LRRIQ1: variants seen among roughly 807,000 people sequenced by gnomAD.
LRRIQ1 encodes leucine rich repeats and IQ motif containing 1.
In LRRIQ1, 210 loss-of-function variants were observed where a neutral mutation model predicts 211.9. The observed-to-expected ratio is 0.99, with a 90% CI of 0.89 to 1.11. LRRIQ1 has a LOEUF of 1.11. Among genes scored for constraint, LRRIQ1 ranks in the 50% most tolerant of loss-of-function variants. The probability of loss-of-function intolerance (pLI) is 0.00; values close to 1 mark genes in which losing one functional copy is unlikely to be tolerated. For synonymous variants in LRRIQ1, 699 were observed against 650.1 expected (o/e 1.08, Z -1.14); for missense variants, 2,136 against 1,939.5 (o/e 1.10, Z -1.90).
At chr12:85,233,758 A>G (rs1895057154) in intron 26 of LRRIQ1, among the ~76,000 whole-genome samples, 2 of 152,188 alleles carry the variant, frequency 1.3e-5, no homozygotes, top group South Asian at 4.1e-4. Context: ...ATCTTCTTGC[A>G]TTTTAATAGA....
chr12:85,057,478 T>C (rs980017474), intron 8 of LRRIQ1, among the ~76,000 whole-genome samples: 7 of 151,988 alleles, frequency 4.6e-5, no homozygotes, highest in African/African-American at 1.7e-4. Flanking sequence ...TGGAAGCATA[T>C]AGAAAGTTAG....
intron 2 of LRRIQ1, among the ~76,000 whole-genome samples, chr12:85,039,476 C>G (rs1209670214): frequency 6.6e-6 from 1 of 151,584 alleles, no homozygotes; most frequent in Non-Finnish European, 1.5e-5. Flanking sequence ...ATTTTTGTCA[C>G]TATTTTTAAT....
At chr12:85,103,751 G>T (rs543123958) in intron 13 of LRRIQ1, among the ~76,000 whole-genome samples, 102 of 151,664 alleles carry the variant, frequency 6.7e-4, no homozygotes, top group Admixed American at 1.1e-3. Flanking sequence ...AGTAATTTCA[G>T]GATTTCTTTT....
intron 24 of LRRIQ1, among the ~76,000 whole-genome samples, chr12:85,181,755 G>A (rs955294122): frequency 5.3e-5 from 8 of 151,920 alleles, no homozygotes; most frequent in South Asian, 4.2e-4. Flanking sequence ...ATCTCATTGT[G>A]AGGAATCTGC....
intron 8 of LRRIQ1, among the ~76,000 whole-genome samples, chr12:85,058,532 A>G (rs957580185): frequency 1.3e-5 from 2 of 151,982 alleles, no homozygotes; most frequent in African/African-American, 4.8e-5. Context: ...AGTTACAGAA[A>G]CAGTAGTGTT....
At chr12:85,140,576 GTTAT>G (rs1889470610) in intron 19 of LRRIQ1, among the ~76,000 whole-genome samples, 1 of 151,144 alleles carries the variant, frequency 6.6e-6, no homozygotes, top group South Asian at 2.1e-4. Flanking sequence ...TCTTATACCT[GTTAT>G]TTATTTTTCT....
intron 10 of LRRIQ1, among the ~76,000 whole-genome samples, chr12:85,072,609 C>T (rs1883209508): frequency 6.7e-6 from 1 of 149,888 alleles, no homozygotes; most frequent in Non-Finnish European, 1.5e-5. Flanking sequence ...TTATAAATGT[C>T]TTATCTTTTT....
chr12:85,118,147 C>A (rs1300367876), intron 15 of LRRIQ1, among the ~76,000 whole-genome samples: 2 of 152,098 alleles, frequency 1.3e-5, no homozygotes, highest in African/African-American at 2.4e-5. Flanking sequence ...TGAACCATGT[C>A]TTAAAATTAA....
chr12:85,164,351 C>T (rs779951816), intron 24 of LRRIQ1, among the ~76,000 whole-genome samples: 1 of 152,044 alleles, frequency 6.6e-6, no homozygotes, highest in Non-Finnish European at 1.5e-5. Context: ...GCTCTGTGAC[C>T]TTTGGGAAGT....
At chr12:85,272,169 C>A in the LRRIQ1 span, among the ~76,000 whole-genome samples, 1 of 152,122 alleles carries the variant, frequency 6.6e-6, no homozygotes, top group South Asian at 2.1e-4. Flanking sequence ...ACATATAGAT[C>A]TACTTTATTT....
intron 16 of LRRIQ1, 120 bp from the exon 17 acceptor site, chr12:85,123,950 A>G (rs1370060388): frequency 1.5e-6 from 1 of 655,800 alleles, no homozygotes; most frequent in African/African-American, 1.8e-5. Context: ...TCTATAATGA[A>G]TGTTGTACTG....
At chr12:85,198,082 T>TACA in intron 24 of LRRIQ1, among the ~76,000 whole-genome samples, 1 of 109,228 alleles carries the variant, frequency 9.2e-6, no homozygotes, top group African/African-American at 3.7e-5. Context: ...TTATATATAA[T>TACA]TTATTATATT....
At chr12:85,138,414 A>G (rs1889287769) in intron 19 of LRRIQ1, among the ~76,000 whole-genome samples, 1 of 151,534 alleles carries the variant, frequency 6.6e-6, no homozygotes, top group Admixed American at 6.6e-5. Flanking sequence ...TAATACTTTT[A>G]AAGACTACTG....
At chr12:85,070,945 A>C (rs1883016842) in intron 10 of LRRIQ1, among the ~76,000 whole-genome samples, 1 of 151,974 alleles carries the variant, frequency 6.6e-6, no homozygotes, top group Non-Finnish European at 1.5e-5. Context: ...GATATGATTA[A>C]AATAGTATGT....
At chr12:85,219,093 A>G (rs981336449) in intron 24 of LRRIQ1, among the ~76,000 whole-genome samples, 1 of 152,088 alleles carries the variant, frequency 6.6e-6, no homozygotes, top group Non-Finnish European at 1.5e-5. Context: ...GCACACATGG[A>G]GACACATTAC....
intron 19 of LRRIQ1, among the ~76,000 whole-genome samples, chr12:85,148,712 G>A (rs1890047190): frequency 6.6e-6 from 1 of 151,942 alleles, no homozygotes; most frequent in African/African-American, 2.4e-5. Flanking sequence ...CTGGATCCTT[G>A]ATGAATCTCC....
chr12:85,170,649 T>C (rs1337202514), intron 24 of LRRIQ1, among the ~76,000 whole-genome samples: 1 of 151,740 alleles, frequency 6.6e-6, no homozygotes, highest in Non-Finnish European at 1.5e-5. Context: ...ATATGTAGCC[T>C]GTGTACTTTT....
chr12:85,062,634 G>C (rs1881971795), intron 8 of LRRIQ1, among the ~76,000 whole-genome samples: 1 of 150,584 alleles, frequency 6.6e-6, no homozygotes, highest in African/African-American at 2.4e-5. Flanking sequence ...CATGTCTTTG[G>C]TATTGTGAAT....
chr12:85,205,799 TTTA>T (rs748622382), intron 24 of LRRIQ1, among the ~76,000 whole-genome samples: 32 of 152,328 alleles, frequency 2.1e-4, no homozygotes, highest in South Asian at 2.1e-4. Flanking sequence ...TTCATTCTTC[TTTA>T]TTGTTTTCTC....
Sources: gnomAD v4.1 joint callset for allele counts (sites outside exome capture counted in the v4.1 genomes callset) on GRCh38, gnomAD v4.1.1 for gene constraint, MANE v1.5 for transcripts, NCBI Gene and HGNC (gene_info 2026-07-23, HGNC 2026-07-21) for gene names.